BAG6: variants seen among roughly 807,000 people sequenced by gnomAD.
BAG6 encodes the protein BAG cochaperone 6, also known as large proline-rich protein BAG6.
BAG6 carries 22 observed loss-of-function variants against 121.0 expected under a neutral mutation model. That is an observed-to-expected ratio of 0.18 (90% CI 0.13 to 0.26). BAG6 has a LOEUF of 0.26. Among genes scored for constraint, BAG6 ranks in the 10% least tolerant of loss-of-function variants. The pLI is 1.00. For missense variants in BAG6, 1,233 were observed against 1,537.7 expected (o/e 0.80, Z 3.31); for synonymous variants, 583 against 584.6 (o/e 1.00, Z 0.04).
intron 2 of BAG6, among the ~76,000 whole-genome samples, chr6:31,650,095 C>T (rs1794687767): frequency 6.6e-6 from 1 of 151,456 alleles, no homozygotes; most frequent in African/African-American, 2.4e-5. Flanking sequence ...AGAGGGACTC[C>T]ATCTCAAAAA....
Position 31,639,226 on chromosome 6 carries a change from G to A in BAG6, c.3394C>T (p.Leu1132Phe). The A allele has an allele frequency of 6.2e-7, 1 of 1,612,642 alleles. No individual in the cohort carries two copies. The highest frequency in any genetic ancestry group is 8.5e-7 in the Non-Finnish European group (1 of 1,179,240). ...AGTCGTTTTTGTATATCAGACCGGA[G>A]CTAAAGAGAAAAAGTAAGCAGGTTG... ...PEVQESYRQQ[L>F]RSDIQKRLQE... is the part of the protein sequence containing the mutation. The change falls in exon 26 of 26, where the codon CTC (leucine) becomes TTC (phenylalanine). Residue 1132 changes from leucine to phenylalanine, a missense_variant and splice_region_variant. This residue lies in a region of BAG6 where 102 missense variants were observed against 103.2 expected (regional missense o/e 0.99). Transcript: ENST00000676615.
Position 31,640,330 on chromosome 6 carries a change from T to C in BAG6, c.3139-24A>G. 5.0e-6 allele frequency: 8 copies of C among 1,614,162 alleles called. No homozygotes were observed. Among genetic ancestry groups the C allele is most frequent in the Non-Finnish European group, 6.8e-6 (8 of 1,180,010 alleles). On this transcript the variant is annotated intron_variant, in intron 23 of 25. Transcript: ENST00000676615. This position sits in a 1 kb window ranked among gnomAD's most constrained non-coding sequence, Gnocchi z 4.2. ...TCCTGGGGAGGAAAAGAGAAAATAG[T>C]AATGTCCTTGACTTTCAGCTGCCAT...
At chr6:31,647,895 G>A (rs999860036) in intron 6 of BAG6, 69 bp from the exon 7 acceptor site, 2 of 1,456,792 alleles carry the variant, frequency 1.4e-6, no homozygotes, top group Non-Finnish European at 1.8e-6. Context: ...CTCTACAGGA[G>A]ACTGAACAGA....
chr6:31,644,253 G>C lies in BAG6; in HGVS notation c.1555+54C>G. The C allele has an allele frequency of 1.3e-6, 2 of 1,569,742 alleles. No individual in the cohort carries two copies. The highest frequency in any genetic ancestry group is 2.4e-5 in the East Asian group (1 of 42,062). Reference sequence around the variant, plus strand: ...CTGAGGGCCAGGCCCTTGCCAGCCAGCTGCCACCATGGACTGTGCCCTACC... The same window carrying C: ...CTGAGGGCCAGGCCCTTGCCAGCCACCTGCCACCATGGACTGTGCCCTACC... On this transcript the variant is annotated intron_variant, in intron 12 of 25. Coordinates refer to ENST00000676615, the MANE Select transcript of BAG6 (RefSeq NM_001387994.1). This position sits in a 1 kb window ranked among gnomAD's most constrained non-coding sequence, Gnocchi z 4.9.
chr6:31,645,140 GGAGTTGGGGGGGGCC>G lies in BAG6; in HGVS notation c.1160_1174del (p.Arg387_Thr391del). 1 of 1,612,986 alleles carries G rather than the reference GGAGTTGGGGGGGGCC, an allele frequency of 6.2e-7. No individual in the cohort carries two copies. The highest frequency in any genetic ancestry group is 8.5e-7 in the Non-Finnish European group (1 of 1,179,984). ...ACCAGGGGGAGGTGCCTCTGCATTG[GGAGTTGGGGGGGGCC>G]GAGTCCCATTTCCTGTCATGGTCAC... On this transcript the variant is annotated inframe_deletion, in exon 10 of 26. Transcript: ENST00000676615.
rs981893291 is a variant in BAG6 at position 31,642,907 on chromosome 6, A to T, written c.1965T>A (p.Ser655=). The change falls in exon 15 of 26, where the codon TCT becomes TCA. Residue 655 remains serine (S), a synonymous_variant. Transcript: ENST00000676615. The part of the protein sequence containing the change: ...LGPAGPGAGG[S]GVASPTITVA... ...CAGTGATGGTGGGAGAAGCCACACC[A>T]GACCCTCCAGCCCCTGGCCCTGCAG... 4.2e-5 allele frequency: 67 copies of T among 1,611,466 alleles called. No individual in the cohort carries two copies. The highest frequency in any genetic ancestry group is 3.8e-4 in the East Asian group (17 of 44,806).
In BAG6 at chr6:31,645,621, A is replaced by G. The variant is rs1397724374; in HGVS notation, c.919-17T>C. The G allele has an allele frequency of 6.2e-7, 1 of 1,611,912 alleles. No individual in the cohort carries two copies. The highest frequency in any genetic ancestry group is 8.5e-7 in the Non-Finnish European group (1 of 1,179,536). On this transcript the variant is annotated splice_polypyrimidine_tract_variant and intron_variant, in intron 8 of 25. Transcript: ENST00000676615. ...GCCCTCGTGCTGCGCACAACCAGCC[A>G]AACACAAAAAGGCAGAAAATATCAA... is the stretch of plus-strand genomic sequence containing the variant.
At position 31,651,562 on chromosome 6, in the gene BAG6, T is replaced by G. The variant is rs1796780268; in HGVS notation, c.108+94A>C. 1.6e-5 allele frequency: 19 copies of G among 1,154,478 alleles called. No individual in the cohort carries two copies. In the South Asian group the frequency reaches 2.4e-4, roughly 14 times the overall value. 71.5% of individuals were successfully genotyped at this position (1,154,478 alleles called of 1,614,324 possible). ...TCAAAAAAAAGAAAAAAAAAGAAAA[T>G]CTGGTGACCAGAAAATCAAGCTCAT... is the stretch of plus-strand genomic sequence containing the variant. On this transcript the variant is annotated intron_variant, in intron 2 of 25. Transcript: ENST00000676615.
rs1362198405 is a variant in BAG6 at position 31,644,259 on chromosome 6, AC to A, written c.1555+47del. On this transcript the variant is annotated intron_variant, in intron 12 of 25. Coordinates refer to ENST00000676615, the MANE Select transcript of BAG6 (RefSeq NM_001387994.1). This position sits in a 1 kb window ranked among gnomAD's most constrained non-coding sequence, Gnocchi z 4.9. ...GCCAGGCCCTTGCCAGCCAGCTGCC[AC>A]CATGGACTGTGCCCTACCTCCCAAG... The A allele has an allele frequency of 1.3e-6, 2 of 1,564,694 alleles. No homozygotes were observed. Among genetic ancestry groups the A allele is most frequent in the South Asian group, 2.3e-5 (2 of 86,026 alleles).
At chr6:31,649,150 A>G in intron 4 of BAG6, 49 bp downstream of exon 4, 1 of 1,605,684 alleles carries the variant, frequency 6.2e-7, no homozygotes, top group Non-Finnish European at 8.5e-7. Context: ...TGGTGCTACC[A>G]CAACCAAAGC....
At chr6:31,648,575 G>A (rs980492751) in intron 6 of BAG6, 102 bp downstream of exon 6, 31 of 1,172,620 alleles carry the variant, frequency 2.6e-5, no homozygotes, top group Non-Finnish European at 3.6e-5. Flanking sequence ...AGATTATGAA[G>A]GCCAAACCCT....
Position 31,641,192 on chromosome 6 carries a change from T to C in BAG6, c.2699A>G (p.Asn900Ser). The C allele has an allele frequency of 6.2e-7, 1 of 1,613,918 alleles. No homozygotes were observed. The highest frequency in any genetic ancestry group is 8.5e-7 in the Non-Finnish European group (1 of 1,180,012). Residue 900 changes from asparagine to serine, a missense_variant, in exon 20 of 26, where the codon AAC becomes AGC. Asn to Ser is a conservative substitution (Grantham distance 46). Around this residue, in one of 7 missense-constraint regions of BAG6, gnomAD observed 288 missense variants for 483.1 expected, o/e 0.60. Transcript: ENST00000676615. The surrounding 1 kb of genome is among the most constrained non-coding windows in gnomAD (Gnocchi z 5.7). Reference protein sequence around the residue: ...GFGARLLELCNQGLFECLALN... With the variant: ...GFGARLLELCSQGLFECLALN... ...GGCCAGGCATTCAAACAGGCCTTGGTTACACAACTCCAGCAACCGGGCCCC... is the reference window on the plus strand; with the variant it reads ...GGCCAGGCATTCAAACAGGCCTTGGCTACACAACTCCAGCAACCGGGCCCC...
In BAG6 at chr6:31,643,986, A is replaced by G; in HGVS notation, c.1669-9T>C. ...CCCAGACCGGCGCCCTGCTGGATAG[A>G]GAGCAAGGGAGAATTTCAGACCTGC... On this transcript the variant is annotated splice_polypyrimidine_tract_variant and intron_variant, in intron 13 of 25. Coordinates refer to ENST00000676615, the MANE Select transcript of BAG6 (RefSeq NM_001387994.1). The G allele has an allele frequency of 1.9e-6, 3 of 1,614,038 alleles. No individual in the cohort carries two copies.
rs749614208 is a variant in BAG6 at position 31,648,678 on chromosome 6, T to G, written c.551A>C (p.Glu184Ala). ...RDIQTLLSRM[E>A]CRGGPQPQHS... is the part of the protein sequence containing the mutation. ...CCCTAGCCAGCCTTGCCCACTTACC[T>G]CCATCCGGGATAGTAAGGTCTGTAT... The change falls in exon 6 of 26, where the codon GAG becomes GCG. Residue 184 changes from glutamate (E) to alanine (A), a missense_variant and splice_region_variant. Glu to Ala is a moderately radical substitution (Grantham distance 107, BLOSUM62 -1). Coordinates refer to ENST00000676615, the MANE Select transcript of BAG6 (RefSeq NM_001387994.1). 6.2e-7 allele frequency: 1 copy of G among 1,613,656 alleles called. No individual in the cohort carries two copies. The highest frequency in any genetic ancestry group is 8.5e-7 in the Non-Finnish European group (1 of 1,179,912).
chr6:31,642,573 C>G, intron 15 of BAG6, 170 bp from the exon 16 acceptor site: 1 of 630,998 alleles, frequency 1.6e-6, no homozygotes. Flanking sequence ...CAGAGTCAGG[C>G]AGCACAACTT....
In BAG6 at chr6:31,640,333, T is replaced by C. The variant is rs1340666752; in HGVS notation, c.3139-27A>G. On this transcript the variant is annotated intron_variant, in intron 23 of 25. Coordinates refer to ENST00000676615, the MANE Select transcript of BAG6 (RefSeq NM_001387994.1). The surrounding 1 kb of genome is among the most constrained non-coding windows in gnomAD (Gnocchi z 4.2). ...TGGGGAGGAAAAGAGAAAATAGTAATGTCCTTGACTTTCAGCTGCCATGAC... is the reference window on the plus strand; with the variant it reads ...TGGGGAGGAAAAGAGAAAATAGTAACGTCCTTGACTTTCAGCTGCCATGAC... 3 of 1,614,172 alleles carry C rather than the reference T, an allele frequency of 1.9e-6. No individual in the cohort carries two copies. Among genetic ancestry groups the C allele is most frequent in the Non-Finnish European group, 2.5e-6 (3 of 1,180,008 alleles).
intron 7 of BAG6, 80 bp from the exon 8 acceptor site, chr6:31,646,603 C>T: frequency 1.3e-6 from 2 of 1,542,016 alleles, no homozygotes; most frequent in Non-Finnish European, 1.8e-6. Flanking sequence ...CCACATGTGC[C>T]CTCTTTCTCC....
chr6:31,643,721 CAAAAAAAAAAAA>C (rs9281540), intron 14 of BAG6, among the ~76,000 whole-genome samples, 157 bp downstream of exon 14: 7 of 66,304 alleles, frequency 1.1e-4, no homozygotes, highest in Non-Finnish European at 1.5e-4. Context: ...GACTCCATCT[CAAAAAAAAAAAA>C]AAAAAAAAAA....
At chr6:31,643,304 A>T (rs1784816848) in intron 14 of BAG6, among the ~76,000 whole-genome samples, 189 bp from the exon 15 acceptor site, 1 of 151,894 alleles carries the variant, frequency 6.6e-6, no homozygotes, top group Non-Finnish European at 1.5e-5. Flanking sequence ...CTAGCTACTC[A>T]GGAGGCTGAG....
Sources: allele counts gnomAD v4.1 joint callset (sites outside exome capture counted in the v4.1 genomes callset), GRCh38; gene constraint gnomAD v4.1.1; regional missense constraint gnomAD v4.1.1; non-coding constraint Gnocchi (gnomAD v3.1); transcripts MANE v1.5; gene names NCBI Gene and HGNC (gene_info 2026-07-23, HGNC 2026-07-21).